Variants in LTBP1 observed in about 807,000 individuals in gnomAD.
The protein encoded by LTBP1 is latent-transforming growth factor beta-binding protein 1.
Under a neutral mutation model 207.6 loss-of-function variants are expected in LTBP1, and 129 were observed. The observed-to-expected ratio is 0.62, with a 90% CI of 0.54 to 0.72. LTBP1 has a LOEUF of 0.72. Ranked by LOEUF, LTBP1 falls within the 30% of genes least tolerant of loss-of-function variation. LTBP1 has a pLI of 0.00. For synonymous variants in LTBP1, 963 were observed against 833.7 expected, an observed-to-expected ratio of 1.16 and a Z score of -2.67; for missense variants, 2,281 against 2,217.2, an observed-to-expected ratio of 1.03 and a Z score of -0.58.
At chr2:33,310,581 G>A (rs1383025121) in intron 23 of LTBP1, among the ~76,000 whole-genome samples, 1 of 152,038 alleles carries the variant, frequency 6.6e-6, no homozygotes, top group Admixed American at 6.6e-5. Context: ...GCTCTCTAAT[G>A]AGTGGTAAAG....
rs574910474 is a variant in LTBP1, at chr2:33,039,600, A to G, written c.863+18394A>G. Among the ~76,000 whole-genome samples the G allele has an allele frequency of 2.8e-4, 43 of 152,334 alleles. 2 individuals are homozygous for G. In the South Asian group the frequency reaches 8.3e-3, roughly 29 times the overall value. ...TTTGTAACCAAAATTAAAATCAACT[A>G]TATTTTTGGCTGACCAGTTCTAATC... On this transcript the variant is annotated intron_variant, in intron 3 of 33. Coordinates refer to ENST00000404816, the MANE Select transcript of LTBP1 (RefSeq NM_206943.4).
intron 8 of LTBP1, among the ~76,000 whole-genome samples, chr2:33,220,940 C>T (rs181849980): frequency 5.7e-4 from 87 of 152,332 alleles, no homozygotes; most frequent in African/African-American, 2.1e-3. Flanking sequence ...CATATTCACC[C>T]TGTTCCTTTA....
chr2:33,025,675 T>C (rs2075380967), intron 3 of LTBP1, among the ~76,000 whole-genome samples: 1 of 152,204 alleles, frequency 6.6e-6, no homozygotes, highest in Non-Finnish European at 1.5e-5. Flanking sequence ...ATTGTAGTTA[T>C]GTTCATAAGG....
intron 19 of LTBP1, among the ~76,000 whole-genome samples, chr2:33,292,660 A>G (rs2093797080): frequency 6.6e-6 from 1 of 152,186 alleles, no homozygotes; most frequent in South Asian, 2.1e-4. Flanking sequence ...TTTTTATCAT[A>G]TGGATTCACT....
chr2:33,330,167 A>G (rs1484469191), intron 24 of LTBP1, among the ~76,000 whole-genome samples: 2 of 151,984 alleles, frequency 1.3e-5, no homozygotes, highest in Non-Finnish European at 2.9e-5. Context: ...TACCCTTATA[A>G]TTGTTTGTTA....
intron 5 of LTBP1, among the ~76,000 whole-genome samples, chr2:33,176,422 T>A (rs1273106319): frequency 6.6e-6 from 1 of 152,144 alleles, no homozygotes; most frequent in Non-Finnish European, 1.5e-5. Context: ...ATACGGGGTT[T>A]CACCATGTTG....
intron 18 of LTBP1, among the ~76,000 whole-genome samples, chr2:33,276,157 T>G: frequency 6.6e-6 from 1 of 152,188 alleles, no homozygotes; most frequent in East Asian, 1.9e-4. Flanking sequence ...TCTCTGGTAT[T>G]TGGAATGAAA....
intron 24 of LTBP1, among the ~76,000 whole-genome samples, chr2:33,326,397 A>G (rs2094427445): frequency 6.6e-6 from 1 of 152,174 alleles, no homozygotes; most frequent in South Asian, 2.1e-4. Context: ...CAATGAGGAA[A>G]ACTGTTTGAA....
chr2:33,197,626 C>T (rs550102970), intron 7 of LTBP1, among the ~76,000 whole-genome samples: 98 of 152,250 alleles, frequency 6.4e-4, no homozygotes, highest in African/African-American at 2.0e-3. Flanking sequence ...AAATTCAAAG[C>T]TTGTTTGGCA....
intron 5 of LTBP1, among the ~76,000 whole-genome samples, chr2:33,182,114 G>T (rs141588251): frequency 1.3e-5 from 2 of 151,916 alleles, no homozygotes; most frequent in Non-Finnish European, 2.9e-5. Context: ...ATAAATACTG[G>T]ACTTTTATTG....
At chr2:33,309,348 T>C in intron 22 of LTBP1, 86 bp from the exon 23 acceptor site, 2 of 848,444 alleles carry the variant, frequency 2.4e-6, no homozygotes, top group South Asian at 1.8e-5. Context: ...TGATGTAAAA[T>C]AGTGTACCTT....
chr2:33,023,684 A>G (rs943231825), intron 3 of LTBP1, among the ~76,000 whole-genome samples: 2 of 152,204 alleles, frequency 1.3e-5, no homozygotes, highest in African/African-American at 4.8e-5. Flanking sequence ...GTCCCTGCAG[A>G]GAAGATTAAG....
At chr2:32,981,921 G>A (rs529604750) in intron 2 of LTBP1, among the ~76,000 whole-genome samples, 2 of 152,294 alleles carry the variant, frequency 1.3e-5, no homozygotes, top group African/African-American at 4.8e-5. Context: ...CCAGTCTTGA[G>A]TATTTCTTAA....
At chr2:33,131,966 T>G (rs1448354840) in intron 4 of LTBP1, among the ~76,000 whole-genome samples, 1 of 152,218 alleles carries the variant, frequency 6.6e-6, no homozygotes, top group Admixed American at 6.5e-5. Context: ...GTGCTTGCTT[T>G]CTTTGGATGT....
At chr2:33,079,303 A>G (rs1251555307) in intron 3 of LTBP1, among the ~76,000 whole-genome samples, 2 of 152,136 alleles carry the variant, frequency 1.3e-5, no homozygotes, top group Non-Finnish European at 2.9e-5. Flanking sequence ...ACGTGCTGTG[A>G]TGGAGAGTAT....
intron 24 of LTBP1, among the ~76,000 whole-genome samples, chr2:33,316,811 A>G (rs1022759461): frequency 1.3e-5 from 2 of 152,182 alleles, no homozygotes; most frequent in African/African-American, 2.4e-5. Context: ...GTGCAAGCCC[A>G]TCCGAGTCAC....
intron 2 of LTBP1, among the ~76,000 whole-genome samples, chr2:33,000,493 A>T (rs1056495809): frequency 2.2e-5 from 3 of 134,620 alleles, no homozygotes; most frequent in Non-Finnish European, 4.9e-5. Flanking sequence ...GAAGGGTGCT[A>T]AGTGAAAATG....
At chr2:33,038,763 C>T (rs1297897700) in intron 3 of LTBP1, among the ~76,000 whole-genome samples, 4 of 152,200 alleles carry the variant, frequency 2.6e-5, no homozygotes, top group Non-Finnish European at 5.9e-5. Context: ...AATGACTATA[C>T]GCTTGAGTCT....
At position 33,347,117 on chromosome 2, in the gene LTBP1, CAAAAAAA is replaced by C. The variant is rs775058448; in HGVS notation, c.3857-232_3857-226del. On this transcript the variant is annotated intron_variant, in intron 25 of 33. Coordinates refer to ENST00000404816, the MANE Select transcript of LTBP1 (RefSeq NM_206943.4). ...TGGGCGACAGAGCGAGACTCCGTCT[CAAAAAAA>C]AAAAAAAAAAAAAAAAACCTAAATT... 2.0e-3 allele frequency among the ~76,000 whole-genome samples: 103 copies of C among 51,996 alleles called. 1 individual carries two copies. The highest frequency in any genetic ancestry group is 6.7e-3 in the African/African-American group (93 of 13,886). 34.1% of individuals were successfully genotyped at this position (51,996 alleles called of 152,430 possible).
Sources: allele counts gnomAD v4.1 joint callset (sites outside exome capture counted in the v4.1 genomes callset), GRCh38; gene constraint gnomAD v4.1.1; transcripts MANE v1.5; gene names NCBI Gene and HGNC (gene_info 2026-07-23, HGNC 2026-07-21).